The following GRK3 variants were observed in gnomAD, a reference collection of about 807,000 sequenced individuals.
GRK3 encodes G protein-coupled receptor kinase 3, also known as adrenergic, beta, receptor kinase 2.
Under a neutral mutation model 95.7 loss-of-function variants are expected in GRK3, and 54 were observed. The observed-to-expected ratio is 0.56, with a 90% CI of 0.45 to 0.71. GRK3 has a LOEUF of 0.71. GRK3 is among the 30% of genes least tolerant of loss of function. The pLI, the probability that GRK3 is intolerant of heterozygous loss-of-function variation, is 0.00. For missense variants in GRK3, 649 were observed against 851.2 expected, an observed-to-expected ratio of 0.76 and a Z score of 2.96; for synonymous variants, 281 against 290.8, an observed-to-expected ratio of 0.97 and a Z score of 0.34.
rs976593992 is a variant in GRK3 at position 25,648,980 on chromosome 22, A to G, written c.264+4315A>G. On this transcript the variant is annotated intron_variant, in intron 3 of 20. Coordinates refer to ENST00000324198, the MANE Select transcript of GRK3 (RefSeq NM_005160.4). ...TAAAGTCTGGTGTCTGCTCATTTGG[A>G]ATTCTACAGACAGAACTGGTAACAA... 15 of 1,028,236 alleles carry G rather than the reference A, an allele frequency of 1.5e-5. No homozygotes were observed. The African/African-American group carries it at 2.4e-4, about 16-fold the overall frequency. The allele number at this position is 1,028,236 out of a possible 1,614,324, so 63.7% of individuals were successfully genotyped here.
intron 4 of GRK3, among the ~76,000 whole-genome samples, chr22:25,661,999 G>A (rs1173510265): frequency 6.6e-6 from 1 of 152,164 alleles, no homozygotes; most frequent in Non-Finnish European, 1.5e-5. Flanking sequence ...ATTTTAAAAT[G>A]AGCTATACTT....
intron 2 of GRK3, among the ~76,000 whole-genome samples, chr22:25,616,763 T>G (rs1280965264): frequency 6.6e-6 from 1 of 152,110 alleles, no homozygotes. Flanking sequence ...GGAGAAGTGG[T>G]TTGCTGGGGA....
chr22:25,720,467 C>CTTTTTTT (rs963248407), intron 19 of GRK3, among the ~76,000 whole-genome samples: 2 of 102,574 alleles, frequency 1.9e-5, no homozygotes, highest in African/African-American at 3.9e-5. Context: ...ATACTATAGA[C>CTTTTTTT]TTTTTTTTTT....
At chr22:25,619,271 C>A (rs2084562719) in intron 2 of GRK3, among the ~76,000 whole-genome samples, 2 of 152,030 alleles carry the variant, frequency 1.3e-5, no homozygotes, top group Admixed American at 1.3e-4. Context: ...GTTAATGAGC[C>A]CCTTGGTGCT....
chr22:25,720,826 G>A (rs2085426499), intron 19 of GRK3, among the ~76,000 whole-genome samples: 1 of 151,944 alleles, frequency 6.6e-6, no homozygotes, highest in Non-Finnish European at 1.5e-5. Context: ...GACATCATTG[G>A]GATACTATCA....
rs748915481 is a variant in GRK3, at chr22:25,703,562, A to G, written c.1213A>G (p.Met405Val). 6 of 1,612,658 alleles carry G rather than the reference A, an allele frequency of 3.7e-6. No homozygotes were observed. The highest frequency in any genetic ancestry group is 5.1e-6 in the Non-Finnish European group (6 of 1,178,766). Residue 405 changes from methionine (M) to valine (V), a missense_variant, in exon 14 of 21, where the codon ATG becomes GTG. Met to Val is a conservative substitution (Grantham distance 21). This residue lies in a region of GRK3 where 382 missense variants were observed against 493.8 expected (regional missense o/e 0.77). Coordinates refer to ENST00000324198, the MANE Select transcript of GRK3 (RefSeq NM_005160.4). ...CAAAGACAAGCATGAAATTGACCGA[A>G]TGACACTCACCGTGGTAAGGGGATT... Reference protein sequence around the residue: ...KTKDKHEIDRMTLTVNVELPD... With the variant: ...KTKDKHEIDRVTLTVNVELPD...
At chr22:25,605,598 T>C (rs1432379377) in intron 2 of GRK3, among the ~76,000 whole-genome samples, 1 of 152,276 alleles carries the variant, frequency 6.6e-6, no homozygotes, top group Non-Finnish European at 1.5e-5. Flanking sequence ...TCACATAGCA[T>C]ACAATCCACA....
In GRK3 at chr22:25,690,207, G is replaced by A. The variant is rs768742300; in HGVS notation, c.976G>A (p.Asp326Asn). 1 of 1,613,858 alleles carries A rather than the reference G, an allele frequency of 6.2e-7. No homozygotes were observed. ...TGTTTAGCCAGCAAATATTCTCTTG[G>A]ATGAACATGGACACGCAAGAATATC... ...RDLKPANILL[D>N]EHGHARISDL... The change falls in exon 12 of 21, where the codon GAT becomes AAT. Residue 326 changes from aspartate (D) to asparagine (N), a missense_variant. By Grantham distance (23) the Asp-to-Asn change is conservative. This residue lies in a region of GRK3 where 382 missense variants were observed against 493.8 expected (regional missense o/e 0.77). Coordinates refer to ENST00000324198, the MANE Select transcript of GRK3 (RefSeq NM_005160.4).
intron 1 of GRK3, among the ~76,000 whole-genome samples, chr22:25,587,791 A>C (rs1007415868): frequency 2.0e-5 from 3 of 152,202 alleles, no homozygotes; most frequent in Admixed American, 1.3e-4. Flanking sequence ...TGGTTTGATA[A>C]GGGGAAACCC....
chr22:25,594,821 G>A (rs975698934), intron 1 of GRK3, among the ~76,000 whole-genome samples: 4 of 152,054 alleles, frequency 2.6e-5, no homozygotes, highest in Middle Eastern at 3.2e-3. Flanking sequence ...GAGCTTGCAA[G>A]TGAGCTGAGA....
At chr22:25,639,203 A>G (rs980134125) in intron 2 of GRK3, among the ~76,000 whole-genome samples, 1 of 152,194 alleles carries the variant, frequency 6.6e-6, no homozygotes, top group Non-Finnish European at 1.5e-5. Flanking sequence ...CAGAAGTTCT[A>G]CATTTTGATA....
chr22:25,650,395 T>A (rs2084821686), intron 3 of GRK3, among the ~76,000 whole-genome samples: 1 of 152,184 alleles, frequency 6.6e-6, no homozygotes, highest in Admixed American at 6.5e-5. Flanking sequence ...AATCTTTAGA[T>A]AACATGCGGA....
At chr22:25,594,701 AC>A (rs2084359705) in intron 1 of GRK3, among the ~76,000 whole-genome samples, 1 of 151,994 alleles carries the variant, frequency 6.6e-6, no homozygotes, top group African/African-American at 2.4e-5. Flanking sequence ...ACATGGTGAA[AC>A]CCTGTCTCTA....
At chr22:25,644,416 C>G (rs2084766242) in intron 2 of GRK3, among the ~76,000 whole-genome samples, 176 bp from the exon 3 acceptor site, 1 of 151,680 alleles carries the variant, frequency 6.6e-6, no homozygotes, top group Non-Finnish European at 1.5e-5. Context: ...ATTTTTCTGC[C>G]TGGAGTATTT....
rs927581720 is a variant in GRK3, at chr22:25,572,101, T to C, written c.113+6948T>C. On this transcript the variant is annotated intron_variant, in intron 1 of 20. Transcript: ENST00000324198. The stretch of plus-strand genomic sequence containing the variant: ...CAATTCCCACCTATGAGTGAGAACA[T>C]GTGGTGTTTGGTTTTCTGTTCCTGT... Among the ~76,000 whole-genome samples, 9 of 147,282 alleles carry C rather than the reference T, an allele frequency of 6.1e-5. No individual in the cohort carries two copies. In the South Asian group the frequency reaches 1.9e-3, roughly 32 times the overall value.
At chr22:25,709,050 T>TA (rs1002910448) in intron 15 of GRK3, among the ~76,000 whole-genome samples, 61 of 151,814 alleles carry the variant, frequency 4.0e-4, no homozygotes, top group African/African-American at 1.5e-3. Context: ...TTTTTATTTT[T>TA]TTTTTGAGAT....
chr22:25,612,518 GTT>G (rs2084506131), intron 2 of GRK3, among the ~76,000 whole-genome samples: 1 of 151,540 alleles, frequency 6.6e-6, no homozygotes, highest in African/African-American at 2.4e-5. Flanking sequence ...GTGTGTGTGT[GTT>G]TGTGTGTGTG....
chr22:25,706,743 G>A (rs985994324), intron 15 of GRK3, among the ~76,000 whole-genome samples: 6 of 152,200 alleles, frequency 3.9e-5, no homozygotes, highest in Non-Finnish European at 7.4e-5. Flanking sequence ...GGCTGGTCTC[G>A]AACTCCTGAT....
chr22:25,586,274 TAGAA>T (rs1344230489), intron 1 of GRK3, among the ~76,000 whole-genome samples: 1 of 152,276 alleles, frequency 6.6e-6, no homozygotes, highest in Non-Finnish European at 1.5e-5. Context: ...CATTAACAGT[TAGAA>T]AGAGTGAATA....
Sources: allele counts gnomAD v4.1 joint callset (sites outside exome capture counted in the v4.1 genomes callset), GRCh38; gene constraint gnomAD v4.1.1; regional missense constraint gnomAD v4.1.1; transcripts MANE v1.5; gene names NCBI Gene and HGNC (gene_info 2026-07-23, HGNC 2026-07-21).